EPS8L3: variants seen among roughly 807,000 people sequenced by gnomAD.
The protein encoded by EPS8L3 is epidermal growth factor receptor kinase substrate 8-like protein 3.
Under a neutral mutation model 88.5 loss-of-function variants are expected in EPS8L3, and 80 were observed. The observed-to-expected ratio is 0.90, with a 90% CI of 0.75 to 1.09. The LOEUF is 1.09. Among genes scored for constraint, EPS8L3 ranks in the 50% least tolerant of loss-of-function variants. The probability of loss-of-function intolerance (pLI) is 0.00; values close to 1 mark genes in which losing one functional copy is unlikely to be tolerated. For missense variants in EPS8L3, 721 were observed against 735.2 expected (o/e 0.98, Z 0.22); for synonymous variants, 286 against 291.0 (o/e 0.98, Z 0.18).
chr1:109,752,594 T>C lies in EPS8L3; in HGVS notation c.1235+92A>G. 4 of 1,217,720 alleles carry C rather than the reference T, an allele frequency of 3.3e-6. No individual in the cohort carries two copies. The East Asian group carries it at 1.0e-4, about 31-fold the overall frequency. The allele number at this position is 1,217,720 out of a possible 1,614,324, so 75.4% of individuals were successfully genotyped here. A position where few individuals can be genotyped will look rare whatever the true frequency, so the allele number is the denominator to read the frequency against. On this transcript the variant is annotated intron_variant, in intron 14 of 18. Coordinates refer to ENST00000361965, the MANE Select transcript of EPS8L3 (RefSeq NM_133181.4). ...TCTGGCTAAAAGAGACCCTCTTGGCTCTCTTAAGATGTAGAGAGCCAGAGA... is the reference window on the plus strand; with the variant it reads ...TCTGGCTAAAAGAGACCCTCTTGGCCCTCTTAAGATGTAGAGAGCCAGAGA...
At chr1:109,750,575 C>G in intron 18 of EPS8L3, 85 bp downstream of exon 18, 1 of 1,602,940 alleles carries the variant, frequency 6.2e-7, no homozygotes, top group Non-Finnish European at 8.5e-7. Flanking sequence ...AGGGCTGGGC[C>G]TGCAGGCTTT....
intron 15 of EPS8L3, 87 bp downstream of exon 15, chr1:109,751,908 A>T: frequency 6.4e-7 from 1 of 1,565,012 alleles, no homozygotes; most frequent in Non-Finnish European, 8.7e-7. Context: ...CCACCTTGGC[A>T]GCTCCATCCC....
At chr1:109,760,883 C>G (rs4970779) in intron 3 of EPS8L3, among the ~76,000 whole-genome samples, 53 of 152,102 alleles carry the variant, frequency 3.5e-4, no homozygotes, top group African/African-American at 1.2e-3. Context: ...CTGTGCTTCG[C>G]CTTCACCTTG....
intron 3 of EPS8L3, 88 bp downstream of exon 3, chr1:109,761,407 T>C: frequency 1.7e-6 from 2 of 1,186,670 alleles, no homozygotes; most frequent in Non-Finnish European, 2.4e-6. Flanking sequence ...GGGACTTGTG[T>C]GAAGTGTCCA....
At chr1:109,758,981 G>T in intron 6 of EPS8L3, 81 bp downstream of exon 6, 1 of 1,423,390 alleles carries the variant, frequency 7.0e-7, no homozygotes, top group Non-Finnish European at 9.7e-7. Flanking sequence ...CCTCCTGGGT[G>T]CCCCAAGATA....
rs776880471 is a variant in EPS8L3 at position 109,753,174 on chromosome 1, G to A, written c.1143C>T (p.Pro381=). ...CTGAGAATGTGGGTTGGTAGGGCAG[G>A]GGCTCATCGCCTGTCCAGTCGGCCC... ...TSRADWTGDE[P]LPYQPTFSDD... is the part of the protein sequence containing the mutation. The change falls in exon 13 of 19, where the codon CCC becomes CCT. Residue 381 remains proline (P), a synonymous_variant. Coordinates refer to ENST00000361965, the MANE Select transcript of EPS8L3 (RefSeq NM_133181.4). 20 of 1,612,716 alleles carry A rather than the reference G, an allele frequency of 1.2e-5. No individual in the cohort carries two copies. Among genetic ancestry groups the A allele is most frequent in the Non-Finnish European group, 1.7e-5 (20 of 1,179,458 alleles).
At chr1:109,758,776 ACC>A in intron 6 of EPS8L3, 113 bp from the exon 7 acceptor site, 1 of 1,346,438 alleles carries the variant, frequency 7.4e-7, no homozygotes, top group Non-Finnish European at 9.9e-7. Flanking sequence ...CAGGAGTCCC[ACC>A]CCCTGCTCCC....
At chr1:109,758,138 C>T in intron 8 of EPS8L3, 80 bp from the exon 9 acceptor site, 1 of 1,367,228 alleles carries the variant, frequency 7.3e-7, no homozygotes, top group Non-Finnish European at 1.0e-6. Context: ...CCGCACCCCT[C>T]CCCACCACAA....
rs748531717 is a variant in EPS8L3 at position 109,751,648 on chromosome 1, T to A, written c.1563+6A>T. 1.2e-6 allele frequency: 2 copies of A among 1,613,828 alleles called. No individual in the cohort carries two copies. The highest frequency in any genetic ancestry group is 1.7e-6 in the Non-Finnish European group (2 of 1,179,968). The stretch of plus-strand genomic sequence containing the variant: ...AGGGCTCTGGATAGTCCAGGCTGGG[T>A]AGTACCCGAGAGGGTGACTGGCCCT... On this transcript the variant is annotated splice_donor_region_variant and intron_variant, in intron 16 of 18. Transcript: ENST00000361965.
At chr1:109,761,193 T>G (rs1570706222) in intron 3 of EPS8L3, 1 of 310,212 alleles carries the variant, frequency 3.2e-6, no homozygotes, top group Non-Finnish European at 6.1e-6. Context: ...GGTGGGTGGG[T>G]GGTTGTAGGT....
intron 1 of EPS8L3, among the ~76,000 whole-genome samples, chr1:109,762,000 C>T (rs1023450334): frequency 2.0e-5 from 3 of 152,054 alleles, no homozygotes; most frequent in African/African-American, 7.2e-5. Context: ...AAGGGAGGGT[C>T]AGGGAGGCCA....
In EPS8L3 at chr1:109,761,571, C is replaced by T. The variant is rs1372818797; in HGVS notation, c.32-12G>A. 1.9e-6 allele frequency: 3 copies of T among 1,613,496 alleles called. No homozygotes were observed. The highest frequency in any genetic ancestry group is 2.5e-6 in the Non-Finnish European group (3 of 1,179,744). ...CTCCTTCCGGTGCACTACAAGGGCA[C>T]AGAGCAAGGGGCGGGAGGTGGGCAG... is the stretch of plus-strand genomic sequence containing the variant. On this transcript the variant is annotated splice_polypyrimidine_tract_variant and intron_variant, in intron 2 of 18. Coordinates refer to ENST00000361965, the MANE Select transcript of EPS8L3 (RefSeq NM_133181.4).
intron 12 of EPS8L3, among the ~76,000 whole-genome samples, chr1:109,754,592 G>A (rs1650110956): frequency 6.6e-6 from 1 of 152,156 alleles, no homozygotes; most frequent in African/African-American, 2.4e-5. Context: ...ATCTTCGTGG[G>A]TATTTAAAAA....
chr1:109,750,430 G>A (rs371180538), intron 18 of EPS8L3, 28 bp from the exon 19 acceptor site: 12 of 1,612,958 alleles, frequency 7.4e-6, no homozygotes, highest in Non-Finnish European at 1.0e-5. Flanking sequence ...TTCAGATGAG[G>A]CTGATGGCAG....
intron 13 of EPS8L3, 147 bp from the exon 14 acceptor site, chr1:109,752,867 G>T (rs1649937739): frequency 2.5e-6 from 2 of 784,706 alleles, no homozygotes; most frequent in Non-Finnish European, 4.3e-6. Flanking sequence ...ACAGATACAG[G>T]TACCCACATG....
At position 109,757,943 on chromosome 1, in the gene EPS8L3, C is replaced by T; in HGVS notation, c.832+1G>A. On this transcript the variant is annotated splice_donor_variant, in intron 9 of 18. Coordinates refer to ENST00000361965, the MANE Select transcript of EPS8L3 (RefSeq NM_133181.4). LOFTEE classifies it high-confidence loss of function. ...CCTCTTCCCTGGCCCTCAGTACTCA[C>T]CTCCCTGGTCCTTGTTTTTTTTCCC... 6.2e-7 allele frequency: 1 copy of T among 1,614,160 alleles called. No individual in the cohort carries two copies. The highest frequency in any genetic ancestry group is 8.5e-7 in the Non-Finnish European group (1 of 1,179,976).
chr1:109,757,868 G>A lies in EPS8L3; in HGVS notation c.833-5C>T. ...TGTACTGTGCCTGGGTGAGACCTGGGAGAAGGGGCCAAGACGGTGGGCCAG... is the reference window on the plus strand; with the variant it reads ...TGTACTGTGCCTGGGTGAGACCTGGAAGAAGGGGCCAAGACGGTGGGCCAG... On this transcript the variant is annotated splice_polypyrimidine_tract_variant and splice_region_variant and intron_variant, in intron 9 of 18. Transcript: ENST00000361965. 10 of 1,614,108 alleles carry A rather than the reference G, an allele frequency of 6.2e-6. No individual in the cohort carries two copies. Among genetic ancestry groups the A allele is most frequent in the Non-Finnish European group, 8.5e-6 (10 of 1,179,974 alleles).
Sources: gnomAD v4.1 joint callset for allele counts (sites outside exome capture counted in the v4.1 genomes callset) on GRCh38, gnomAD v4.1.1 for gene constraint, MANE v1.5 for transcripts, NCBI Gene and HGNC (gene_info 2026-07-23, HGNC 2026-07-21) for gene names.